The following VAMP4 variants were observed in gnomAD, a reference collection of about 807,000 sequenced individuals.
VAMP4 encodes vesicle-associated membrane protein 4.
VAMP4 carries 19 observed loss-of-function variants against 23.5 expected under a neutral mutation model. The observed-to-expected ratio is 0.81, with a 90% CI of 0.56 to 1.19. The LOEUF (loss-of-function observed/expected upper bound fraction) is 1.19. Ranked by LOEUF, VAMP4 falls within the 50% of genes most tolerant of loss-of-function variation. The pLI is 0.00. For missense variants in VAMP4, 145 were observed against 168.6 expected (o/e 0.86, Z 0.78); for synonymous variants, 31 against 51.0 (o/e 0.61, Z 1.67).
chr1:171,715,183 T>A (rs1654988658), intron 4 of VAMP4, among the ~76,000 whole-genome samples: 1 of 152,200 alleles, frequency 6.6e-6, no homozygotes, highest in African/African-American at 2.4e-5. Context: ...TAGTAGACGA[T>A]GGCTATTAAC....
chr1:171,729,536 T>C (rs1655491433), intron 2 of VAMP4, among the ~76,000 whole-genome samples: 1 of 152,204 alleles, frequency 6.6e-6, no homozygotes, highest in Non-Finnish European at 1.5e-5. Flanking sequence ...TGCTGGTACT[T>C]AAAAAAGTTT....
chr1:171,741,711 G>T (rs1429294914), intron 1 of VAMP4, among the ~76,000 whole-genome samples, 199 bp downstream of exon 1: 2 of 151,788 alleles, frequency 1.3e-5, no homozygotes, highest in Non-Finnish European at 2.9e-5. Context: ...CTCCTCGTCC[G>T]CATACCCCTG....
rs149800678 is a variant in VAMP4, at chr1:171,740,063, C to T, written c.-49-1600G>A. Among the ~76,000 whole-genome samples the T allele has an allele frequency of 2.5e-3, 388 of 152,294 alleles. 1 individual carries two copies. Among genetic ancestry groups the T allele is most frequent in the Middle Eastern group, 0.01 (3 of 294 alleles). On this transcript the variant is annotated intron_variant, in intron 1 of 7. Transcript: ENST00000236192. ...GTGCTCAGTGATACACATGCATTTT[C>T]TTTTACTCTTTATGATGCTTCTTTA...
At chr1:171,728,695 A>G (rs1028399906) in intron 2 of VAMP4, 125 bp from the exon 3 acceptor site, 21 of 872,634 alleles carry the variant, frequency 2.4e-5, no homozygotes, top group Non-Finnish European at 3.6e-5. Context: ...TAAAGAGGGA[A>G]AAGTAATTAC....
chr1:171,725,436 GTCAA>G (rs752714450), intron 3 of VAMP4, among the ~76,000 whole-genome samples: 2 of 152,046 alleles, frequency 1.3e-5, no homozygotes, highest in African/African-American at 4.8e-5. Context: ...CCCTGTCTCA[GTCAA>G]TCAATCAATC....
intron 3 of VAMP4, among the ~76,000 whole-genome samples, chr1:171,726,445 T>A (rs1417927571): frequency 6.6e-6 from 1 of 152,212 alleles, no homozygotes; most frequent in East Asian, 1.9e-4. Context: ...ACAACAATGT[T>A]GTCCTTCCTG....
At chr1:171,715,706 T>C (rs1173950874) in intron 4 of VAMP4, among the ~76,000 whole-genome samples, 5 of 152,182 alleles carry the variant, frequency 3.3e-5, no homozygotes, top group Non-Finnish European at 7.3e-5. Context: ...TACGCACCCC[T>C]TATTTTATAA....
intron 1 of VAMP4, among the ~76,000 whole-genome samples, chr1:171,740,224 A>G (rs986851468): frequency 1.3e-5 from 2 of 152,240 alleles, no homozygotes; most frequent in African/African-American, 4.8e-5. Flanking sequence ...CATTTGTTCA[A>G]TTAGTTGCCC....
intron 2 of VAMP4, among the ~76,000 whole-genome samples, chr1:171,737,779 T>C (rs1655790383): frequency 6.6e-6 from 1 of 152,092 alleles, no homozygotes; most frequent in Non-Finnish European, 1.5e-5. Context: ...AAGTTCTGAA[T>C]AAGATATTGT....
intron 4 of VAMP4, among the ~76,000 whole-genome samples, chr1:171,716,856 G>A (rs1300218940): frequency 6.6e-6 from 1 of 152,140 alleles, no homozygotes; most frequent in Non-Finnish European, 1.5e-5. Context: ...CATTAATCAA[G>A]GTTTAATGCA....
At position 171,703,847 on chromosome 1, in the gene VAMP4, C is replaced by G. The variant is rs1572235897; in HGVS notation, c.*659G>C. The G allele has an allele frequency of 6.6e-6, 1 of 152,356 alleles. No individual in the cohort carries two copies. Among genetic ancestry groups the G allele is most frequent in the East Asian group, 1.9e-4 (1 of 5,174 alleles). The allele number at this position is 152,356 out of a possible 1,614,324, so 9.4% of individuals were successfully genotyped here. ...TTATCTCCAGTTTTATGATGCCATA[C>G]CATGTTTTTTCACACTGTTTAAAAA... On this transcript the variant is annotated 3_prime_UTR_variant, in exon 8 of 8. Coordinates refer to ENST00000236192, the MANE Select transcript of VAMP4 (RefSeq NM_003762.5).
At chr1:171,705,237 T>G (rs1654612766) in intron 7 of VAMP4, among the ~76,000 whole-genome samples, 1 of 152,156 alleles carries the variant, frequency 6.6e-6, no homozygotes, top group Non-Finnish European at 1.5e-5. Flanking sequence ...AACACTGTGC[T>G]CAAGGCCAAC....
At chr1:171,710,115 G>C (rs114490792) in intron 5 of VAMP4, among the ~76,000 whole-genome samples, 1 of 151,090 alleles carries the variant, frequency 6.6e-6, no homozygotes, top group East Asian at 1.9e-4. Flanking sequence ...TGAGAAGTTA[G>C]CTTCTTAGAA....
chr1:171,704,630 G>A (rs1654590230), intron 7 of VAMP4, 96 bp from the exon 8 acceptor site: 1 of 960,370 alleles, frequency 1.0e-6, no homozygotes, highest in Non-Finnish European at 1.5e-6. Flanking sequence ...TCTACTTTTA[G>A]AAATGGGTAA....
At chr1:171,730,303 A>G (rs1394183782) in intron 2 of VAMP4, among the ~76,000 whole-genome samples, 1 of 152,232 alleles carries the variant, frequency 6.6e-6, no homozygotes, top group East Asian at 1.9e-4. Context: ...AGAAAATGAA[A>G]TCAAAACAAA....
intron 3 of VAMP4, among the ~76,000 whole-genome samples, chr1:171,722,640 C>A (rs1455139665): frequency 6.6e-6 from 1 of 152,136 alleles, no homozygotes; most frequent in Non-Finnish European, 1.5e-5. Flanking sequence ...ATGCAGCCAA[C>A]AGACACATGA....
At chr1:171,739,517 G>A (rs1333129343) in intron 1 of VAMP4, among the ~76,000 whole-genome samples, 1 of 152,196 alleles carries the variant, frequency 6.6e-6, no homozygotes, top group Non-Finnish European at 1.5e-5. Context: ...ACACAAGGAA[G>A]GGATTGTGGG....
At position 171,721,263 on chromosome 1, in the gene VAMP4, C is replaced by T. The variant is rs115575554; in HGVS notation, c.114-2042G>A. 8.0e-3 allele frequency among the ~76,000 whole-genome samples: 1,216 copies of T among 152,084 alleles called. 17 individuals carry two copies. Among genetic ancestry groups the T allele is most frequent in the African/African-American group, 0.028 (1,160 of 41,522 alleles). On this transcript the variant is annotated intron_variant, in intron 3 of 7. Transcript: ENST00000236192. ...GATCAGGAACAAAGCAAGGATATTC[C>T]CTCTCACCACCTCTACTCAATATTG...
chr1:171,722,380 T>G (rs1427616347), intron 3 of VAMP4, among the ~76,000 whole-genome samples: 2 of 152,008 alleles, frequency 1.3e-5, no homozygotes, highest in Non-Finnish European at 2.9e-5. Context: ...AAAAGCAATG[T>G]CAACAAAAGC....
Sources: allele counts gnomAD v4.1 joint callset (sites outside exome capture counted in the v4.1 genomes callset), GRCh38; gene constraint gnomAD v4.1.1; transcripts MANE v1.5; gene names NCBI Gene and HGNC (gene_info 2026-07-23, HGNC 2026-07-21).